BRINP2: variants seen among roughly 807,000 people sequenced by gnomAD.
BRINP2 encodes the protein BMP/retinoic acid inducible neural specific 2.
In BRINP2, 21 loss-of-function variants were observed where a neutral mutation model predicts 69.2. That is an observed-to-expected ratio of 0.30 (90% CI 0.22 to 0.44). BRINP2 has a LOEUF of 0.44. BRINP2 is among the 20% of genes least tolerant of loss of function. The pLI is 1.00. For missense variants in BRINP2, 877 were observed against 986.0 expected, an observed-to-expected ratio of 0.89 and a Z score of 1.48; for synonymous variants, 380 against 394.1, an observed-to-expected ratio of 0.96 and a Z score of 0.42.
chr1:177,218,480 T>C (rs1473265276), intron 1 of BRINP2, among the ~76,000 whole-genome samples: 1 of 152,190 alleles, frequency 6.6e-6, no homozygotes, highest in Non-Finnish European at 1.5e-5. Flanking sequence ...TTTTTTAATA[T>C]GTTTCACTTG....
At chr1:177,257,423 G>A in intron 4 of BRINP2, 39 bp downstream of exon 4, 1 of 1,540,176 alleles carries the variant, frequency 6.5e-7, no homozygotes, top group Non-Finnish European at 8.8e-7. Flanking sequence ...GATGGGGGAA[G>A]CACTGAGGAA....
At chr1:177,182,194 C>T (rs1184557865) in intron 1 of BRINP2, among the ~76,000 whole-genome samples, 1 of 150,560 alleles carries the variant, frequency 6.6e-6, no homozygotes, top group East Asian at 2.0e-4. Flanking sequence ...CACTCAGCCC[C>T]TGCAGCAATC....
chr1:177,210,762 A>C (rs553850857), intron 1 of BRINP2, among the ~76,000 whole-genome samples: 19 of 152,032 alleles, frequency 1.2e-4, no homozygotes, highest in Admixed American at 1.2e-3. Flanking sequence ...ATAGAGAATC[A>C]AAACTTTCCG....
At chr1:177,249,164 A>G (rs76888486) in intron 2 of BRINP2, among the ~76,000 whole-genome samples, 2,427 of 152,216 alleles carry the variant, frequency 0.016, 50 homozygotes, top group African/African-American at 0.055. Flanking sequence ...GATTTAACAC[A>G]TTGGATTATA....
chr1:177,243,452 C>A (rs1190748171), intron 2 of BRINP2, among the ~76,000 whole-genome samples: 1 of 152,086 alleles, frequency 6.6e-6, no homozygotes, highest in African/African-American at 2.4e-5. Context: ...ACCATCTCCC[C>A]CTAGACCCAA....
At chr1:177,202,860 C>A (rs1419640864) in intron 1 of BRINP2, among the ~76,000 whole-genome samples, 1 of 152,154 alleles carries the variant, frequency 6.6e-6, no homozygotes. Flanking sequence ...CAAATAGGAA[C>A]ACTTGTACAC....
intron 2 of BRINP2, among the ~76,000 whole-genome samples, chr1:177,255,633 G>T (rs1650731099): frequency 6.6e-6 from 1 of 152,214 alleles, no homozygotes. Flanking sequence ...TGTAAACCAT[G>T]ACTTCATGTG....
intron 1 of BRINP2, among the ~76,000 whole-genome samples, chr1:177,212,094 TAG>T: frequency 6.6e-6 from 1 of 151,678 alleles, no homozygotes; most frequent in Admixed American, 6.5e-5. Flanking sequence ...GATAGATAGA[TAG>T]ATAGATAGAT....
intron 3 of BRINP2, chr1:177,256,766 T>G (rs1571935734): frequency 9.1e-7 from 1 of 1,099,792 alleles, no homozygotes; most frequent in Non-Finnish European, 1.1e-6. Flanking sequence ...ACGCGGCAGG[T>G]GTTGAGTGTT....
At chr1:177,253,631 T>C (rs1327121624) in intron 2 of BRINP2, among the ~76,000 whole-genome samples, 1 of 152,152 alleles carries the variant, frequency 6.6e-6, no homozygotes, top group East Asian at 1.9e-4. Context: ...CATAAAGCTT[T>C]TCCCCTAAAC....
chr1:177,244,239 G>A (rs1259828908), intron 2 of BRINP2, among the ~76,000 whole-genome samples: 1 of 152,136 alleles, frequency 6.6e-6, no homozygotes, highest in African/African-American at 2.4e-5. Flanking sequence ...GAATATTTTT[G>A]TCTTTAAAAA....
intron 2 of BRINP2, among the ~76,000 whole-genome samples, chr1:177,237,322 C>A (rs566034253): frequency 6.6e-6 from 1 of 152,186 alleles, no homozygotes; most frequent in Non-Finnish European, 1.5e-5. Flanking sequence ...GATTAGCAGT[C>A]CAGTTTGAGT....
chr1:177,217,884 G>A (rs1048381725), intron 1 of BRINP2, among the ~76,000 whole-genome samples: 5 of 152,184 alleles, frequency 3.3e-5, no homozygotes, highest in African/African-American at 1.2e-4. Flanking sequence ...ATCTTGTCTG[G>A]CAGGGCCACA....
intron 1 of BRINP2, among the ~76,000 whole-genome samples, chr1:177,178,031 C>T (rs1458596513): frequency 6.6e-6 from 1 of 152,178 alleles, no homozygotes; most frequent in African/African-American, 2.4e-5. Flanking sequence ...TTGTCCTGGG[C>T]TCTGCTTTCT....
At chr1:177,248,511 AT>A (rs1011193891) in intron 2 of BRINP2, among the ~76,000 whole-genome samples, 8 of 137,286 alleles carry the variant, frequency 5.8e-5, no homozygotes, top group East Asian at 2.1e-4. Flanking sequence ...GTGTGTGTGT[AT>A]TTTTTTTTAA....
chr1:177,256,385 T>G (rs1388116062), intron 3 of BRINP2: 48 of 985,214 alleles, frequency 4.9e-5, no homozygotes, highest in African/African-American at 8.7e-5. Context: ...GCACTCCCAG[T>G]TTTCGCTCCG....
intron 1 of BRINP2, among the ~76,000 whole-genome samples, chr1:177,212,264 G>A (rs536986211): frequency 3.9e-5 from 6 of 152,266 alleles, no homozygotes; most frequent in African/African-American, 1.4e-4. Flanking sequence ...AAAACATTTA[G>A]GCCAGGCGCG....
At chr1:177,182,262 T>G (rs1648281749) in intron 1 of BRINP2, among the ~76,000 whole-genome samples, 1 of 151,694 alleles carries the variant, frequency 6.6e-6, no homozygotes, top group South Asian at 2.1e-4. Context: ...TATCCTTCCC[T>G]CAGGGCCCTT....
chr1:177,215,864 G>A (rs995067287), intron 1 of BRINP2, among the ~76,000 whole-genome samples: 1 of 152,002 alleles, frequency 6.6e-6, no homozygotes, highest in Non-Finnish European at 1.5e-5. Context: ...TCCTCTTAAT[G>A]AATTGATTAT....
Sources: gnomAD v4.1 joint callset for allele counts (sites outside exome capture counted in the v4.1 genomes callset) on GRCh38, gnomAD v4.1.1 for gene constraint, MANE v1.5 for transcripts, NCBI Gene and HGNC (gene_info 2026-07-23, HGNC 2026-07-21) for gene names.